Variants in RHBDL3 observed in about 807,000 individuals in gnomAD.
The protein encoded by RHBDL3 is rhomboid-related protein 3.
Under a neutral mutation model 48.2 loss-of-function variants are expected in RHBDL3, and 28 were observed. The ratio of observed to expected loss-of-function variants is 0.58; its 90% CI spans 0.43 to 0.80. RHBDL3 has a LOEUF of 0.80. Among genes scored for constraint, RHBDL3 ranks in the 30% least tolerant of loss-of-function variants. The pLI is 0.00. For missense variants in RHBDL3, 464 were observed against 542.7 expected (o/e 0.85, Z 1.44); for synonymous variants, 208 against 232.3 (o/e 0.90, Z 0.95).
At chr17:32,296,555 T>C (rs369781399) in intron 5 of RHBDL3, among the ~76,000 whole-genome samples, 82 of 151,660 alleles carry the variant, frequency 5.4e-4, no homozygotes, top group East Asian at 2.2e-3. Flanking sequence ...AGGTTGGTCT[T>C]GAACTCCTGA....
intron 7 of RHBDL3, among the ~76,000 whole-genome samples, chr17:32,313,754 T>TCC (rs2040901129): frequency 2.0e-5 from 2 of 100,170 alleles, no homozygotes; most frequent in African/African-American, 1.0e-4. Flanking sequence ...TCCCTCCCTT[T>TCC]TTTTTTTTTT....
chr17:32,279,564 T>C (rs1259835264), intron 2 of RHBDL3, among the ~76,000 whole-genome samples: 2 of 152,206 alleles, frequency 1.3e-5, no homozygotes, highest in African/African-American at 4.8e-5. Flanking sequence ...CCTCACTCCA[T>C]GTGGAATTGC....
chr17:32,307,918 T>C (rs1482719897), intron 7 of RHBDL3, among the ~76,000 whole-genome samples: 1 of 151,998 alleles, frequency 6.6e-6, no homozygotes, highest in African/African-American at 2.4e-5. Flanking sequence ...AAGACTTGTA[T>C]GTGTGTAGGG....
At chr17:32,276,859 CCGGCCCTAGCACAGTACTG>C (rs2039923238) in intron 2 of RHBDL3, among the ~76,000 whole-genome samples, 1 of 95,832 alleles carries the variant, frequency 1.0e-5, no homozygotes, top group South Asian at 3.8e-4. Flanking sequence ...GCACCTTACT[CCGGCCCTAGCACAGTACTG>C]CGGCCCTAGC....
rs540034624 is a variant in RHBDL3, at chr17:32,298,669, A to G, written c.781+465A>G. Among the ~76,000 whole-genome samples the G allele has an allele frequency of 1.1e-3, 170 of 152,354 alleles. 2 individuals are homozygous for G. Among genetic ancestry groups the G allele is most frequent in the African/African-American group, 3.7e-3 (154 of 41,586 alleles). On this transcript the variant is annotated intron_variant, in intron 6 of 8. Coordinates refer to ENST00000269051, the MANE Select transcript of RHBDL3 (RefSeq NM_138328.3). ...TCCCCACAGGGGAATCAAAGGGGTG[A>G]GTGGAGCCAGGTACCACCCTGGCCA...
At chr17:32,275,755 G>A (rs1294541664) in intron 2 of RHBDL3, among the ~76,000 whole-genome samples, 2 of 152,208 alleles carry the variant, frequency 1.3e-5, no homozygotes, top group East Asian at 1.9e-4. Context: ...GGGCTTTTGG[G>A]AGAAGCACCA....
intron 7 of RHBDL3, 73 bp from the exon 8 acceptor site, chr17:32,316,159 G>GT: frequency 9.2e-7 from 1 of 1,091,300 alleles, no homozygotes. Context: ...TTAATGTCAG[G>GT]TTTTCTTAAG....
chr17:32,282,379 C>G (rs2040073350), intron 2 of RHBDL3, among the ~76,000 whole-genome samples: 1 of 152,106 alleles, frequency 6.6e-6, no homozygotes, highest in Non-Finnish European at 1.5e-5. Flanking sequence ...CCAGCCTGGG[C>G]AACGTAGTGA....
rs951568049 is a variant in RHBDL3 at position 32,288,734 on chromosome 17, G to A, written c.295-58G>A. On this transcript the variant is annotated intron_variant, in intron 3 of 8. Transcript: ENST00000269051. ...AAGGAACATGCTGGCTGGGAAGTGG[G>A]TGGGGAGCTCCGCTGGGCCCCAGCT... 6 of 1,324,568 alleles carry A rather than the reference G, an allele frequency of 4.5e-6. No individual in the cohort carries two copies. The African/African-American group carries it at 5.8e-5, about 13-fold the overall frequency. The allele number at this position is 1,324,568 out of a possible 1,614,324, so 82.1% of individuals were successfully genotyped here. A position where few individuals can be genotyped will look rare whatever the true frequency, so the allele number is the denominator to read the frequency against.
intron 4 of RHBDL3, 28 bp from the exon 5 acceptor site, chr17:32,294,266 A>G: frequency 6.2e-7 from 1 of 1,607,856 alleles, no homozygotes; most frequent in Non-Finnish European, 8.5e-7. Flanking sequence ...GTGTGCACCT[A>G]GTAACAGACT....
chr17:32,282,900 G>A (rs1054165142), intron 2 of RHBDL3, among the ~76,000 whole-genome samples: 4 of 152,168 alleles, frequency 2.6e-5, no homozygotes, highest in African/African-American at 9.6e-5. Context: ...GGGATTACAG[G>A]CATGAGCCAC....
chr17:32,318,096 G>GAC (rs1567792022), intron 8 of RHBDL3, among the ~76,000 whole-genome samples: 26 of 150,368 alleles, frequency 1.7e-4, no homozygotes, highest in Admixed American at 2.7e-4. Context: ...GCTTGCGCCT[G>GAC]TAGTCCTAGC....
intron 7 of RHBDL3, among the ~76,000 whole-genome samples, chr17:32,311,874 T>C (rs930162864): frequency 2.6e-5 from 4 of 152,178 alleles, no homozygotes; most frequent in African/African-American, 9.7e-5. Context: ...AACCACCTGA[T>C]GAGGTGGGGA....
chr17:32,298,937 G>T (rs1044991922), intron 6 of RHBDL3, among the ~76,000 whole-genome samples: 1 of 152,214 alleles, frequency 6.6e-6, no homozygotes, highest in Non-Finnish European at 1.5e-5. Context: ...GGGAGGTGAG[G>T]TGGGTGAAGT....
intron 7 of RHBDL3, among the ~76,000 whole-genome samples, chr17:32,307,510 G>A (rs931199657): frequency 2.0e-5 from 3 of 152,196 alleles, no homozygotes; most frequent in Admixed American, 6.5e-5. Context: ...TTGAGCAAGA[G>A]AAGAAAGAGC....
chr17:32,315,422 T>C (rs1445540960), intron 7 of RHBDL3, among the ~76,000 whole-genome samples: 1 of 152,240 alleles, frequency 6.6e-6, no homozygotes, highest in East Asian at 1.9e-4. Context: ...AAAGTCCTTT[T>C]GTAAAGCGAA....
intron 8 of RHBDL3, among the ~76,000 whole-genome samples, chr17:32,319,293 A>G (rs551867954): frequency 3.5e-4 from 53 of 151,820 alleles, no homozygotes; most frequent in Non-Finnish European, 6.6e-4. Context: ...GTGGTGGCAC[A>G]TGCCTGTAGT....
At chr17:32,272,235 G>A (rs978041943) in intron 2 of RHBDL3, among the ~76,000 whole-genome samples, 6 of 152,260 alleles carry the variant, frequency 3.9e-5, no homozygotes, top group African/African-American at 1.4e-4. Context: ...GGGGAAGGCA[G>A]CTCCTCAACA....
chr17:32,316,840 T>C (rs1023696477), intron 8 of RHBDL3, among the ~76,000 whole-genome samples: 4 of 150,508 alleles, frequency 2.7e-5, no homozygotes, highest in Admixed American at 6.6e-5. Flanking sequence ...TTATTTTATA[T>C]TTTATTTTAT....
Sources: gnomAD v4.1 joint callset for allele counts (sites outside exome capture counted in the v4.1 genomes callset) on GRCh38, gnomAD v4.1.1 for gene constraint, MANE v1.5 for transcripts, NCBI Gene and HGNC (gene_info 2026-07-23, HGNC 2026-07-21) for gene names.